The following HTR1E variants were observed in gnomAD, a reference collection of about 807,000 sequenced individuals.
The protein encoded by HTR1E is 5-HT-1E.
A neutral mutation model predicts 3.4 loss-of-function variants in HTR1E; 3 were observed. That is an observed-to-expected ratio of 0.89 (90% CI 0.41 to 2.31). The LOEUF is 2.31. Ranked by LOEUF, HTR1E falls within the 30% of genes most tolerant of loss-of-function variation. HTR1E has a pLI of 0.05. For missense variants in HTR1E, 392 were observed against 467.0 expected, an observed-to-expected ratio of 0.84 and a Z score of 1.48; for synonymous variants, 170 against 182.8, an observed-to-expected ratio of 0.93 and a Z score of 0.56.
chr6:86,995,665 C>CAAAAAAA (rs60134206), intron 1 of HTR1E, among the ~76,000 whole-genome samples: 36 of 36,658 alleles, frequency 9.8e-4, no homozygotes, highest in African/African-American at 1.4e-3. Flanking sequence ...GACTCCATCT[C>CAAAAAAA]AAAAAAAAAA....
intron 1 of HTR1E, among the ~76,000 whole-genome samples, chr6:86,979,515 G>A (rs1767682690): frequency 6.6e-6 from 1 of 152,150 alleles, no homozygotes; most frequent in Non-Finnish European, 1.5e-5. Context: ...CAGATATAAG[G>A]TGACTGCCTC....
chr6:86,985,477 A>C (rs1767772001), intron 1 of HTR1E, among the ~76,000 whole-genome samples: 1 of 152,156 alleles, frequency 6.6e-6, no homozygotes, highest in South Asian at 2.1e-4. Context: ...CCAGATATTT[A>C]ATTAAGTGTA....
chr6:86,971,807 C>T (rs962854885), intron 1 of HTR1E, among the ~76,000 whole-genome samples: 1 of 152,108 alleles, frequency 6.6e-6, no homozygotes, highest in African/African-American at 2.4e-5. Flanking sequence ...GCCCAAGTAG[C>T]GAACACAGGT....
At chr6:87,010,001 G>A (rs1350815864) in intron 1 of HTR1E, among the ~76,000 whole-genome samples, 2 of 131,688 alleles carry the variant, frequency 1.5e-5, no homozygotes, top group Non-Finnish European at 3.2e-5. Context: ...GTGGCTGGCC[G>A]GGCGGAGGGC....
At chr6:86,988,991 C>T (rs1417679743) in intron 1 of HTR1E, among the ~76,000 whole-genome samples, 2 of 152,062 alleles carry the variant, frequency 1.3e-5, no homozygotes, top group African/African-American at 4.8e-5. Context: ...AATAATAGTG[C>T]CATATAAGTG....
chr6:86,953,568 G>C (rs937114860), intron 1 of HTR1E, among the ~76,000 whole-genome samples: 3 of 152,120 alleles, frequency 2.0e-5, no homozygotes, highest in African/African-American at 7.2e-5. Context: ...ATCTTCACAG[G>C]GTTCCTAAAA....
At chr6:87,010,360 G>A (rs1582285422) in intron 1 of HTR1E, among the ~76,000 whole-genome samples, 2 of 118,486 alleles carry the variant, frequency 1.7e-5, no homozygotes, top group East Asian at 2.9e-4. Flanking sequence ...TGGCCGGGCG[G>A]GGGGCTGACC....
chr6:87,010,520 G>A (rs1365530063), intron 1 of HTR1E, among the ~76,000 whole-genome samples: 1 of 143,518 alleles, frequency 7.0e-6, no homozygotes, highest in African/African-American at 2.6e-5. Flanking sequence ...GGGCGGCGGG[G>A]CAGAGGCGCT....
At chr6:86,980,044 A>AG (rs1315153855) in intron 1 of HTR1E, among the ~76,000 whole-genome samples, 2 of 152,158 alleles carry the variant, frequency 1.3e-5, no homozygotes, top group Non-Finnish European at 2.9e-5. Context: ...ACAAGAGCTG[A>AG]GGGGGTGGAA....
At chr6:86,939,827 T>TCATG (rs1445915143) in intron 1 of HTR1E, among the ~76,000 whole-genome samples, 1 of 152,226 alleles carries the variant, frequency 6.6e-6, no homozygotes, top group Non-Finnish European at 1.5e-5. Flanking sequence ...AAACGATGGC[T>TCATG]CATGTCTCTC....
intron 1 of HTR1E, among the ~76,000 whole-genome samples, chr6:86,976,425 T>A (rs1236965168): frequency 2.0e-5 from 3 of 152,198 alleles, no homozygotes; most frequent in African/African-American, 7.2e-5. Flanking sequence ...ATCACTGACA[T>A]GTCTAAGCAA....
intron 1 of HTR1E, among the ~76,000 whole-genome samples, chr6:87,013,082 C>T (rs140624089): frequency 6.6e-6 from 1 of 152,338 alleles, no homozygotes; most frequent in Non-Finnish European, 1.5e-5. Flanking sequence ...CCAGCTGACT[C>T]CTCCTTCTTG....
intron 1 of HTR1E, among the ~76,000 whole-genome samples, chr6:87,010,741 G>C (rs368577008): frequency 0.041 from 6,170 of 149,854 alleles, 173 homozygotes; most frequent in East Asian, 0.14. Context: ...CTTCCCAGAC[G>C]GGGTGGCGGC....
intron 1 of HTR1E, among the ~76,000 whole-genome samples, chr6:86,976,043 T>C (rs1225973751): frequency 1.3e-5 from 2 of 152,036 alleles, no homozygotes; most frequent in Admixed American, 6.6e-5. Context: ...CTAAAAGTAC[T>C]AATATTTTTC....
intron 1 of HTR1E, among the ~76,000 whole-genome samples, chr6:86,950,367 A>G (rs1767218943): frequency 6.6e-6 from 1 of 152,192 alleles, no homozygotes; most frequent in South Asian, 2.1e-4. Flanking sequence ...AAGTTCTGAT[A>G]GAGATGAAGT....
At chr6:86,969,376 C>T (rs1247828680) in intron 1 of HTR1E, among the ~76,000 whole-genome samples, 1 of 147,848 alleles carries the variant, frequency 6.8e-6, no homozygotes, top group Admixed American at 6.8e-5. Context: ...GACACCTACT[C>T]CAACTGCCCT....
intron 1 of HTR1E, among the ~76,000 whole-genome samples, chr6:86,962,676 A>G (rs1767425746): frequency 1.3e-5 from 2 of 151,990 alleles, no homozygotes; most frequent in Non-Finnish European, 2.9e-5. Flanking sequence ...TGTCCCTACT[A>G]AAAATACAAA....
chr6:86,981,765 T>A (rs1225334251), intron 1 of HTR1E, among the ~76,000 whole-genome samples: 1 of 152,226 alleles, frequency 6.6e-6, no homozygotes, highest in Non-Finnish European at 1.5e-5. Context: ...TATCTCCAAT[T>A]TACTGGTCTC....
At chr6:86,995,698 AAAAAAAG>A (rs1292872791) in intron 1 of HTR1E, among the ~76,000 whole-genome samples, 5 of 132,320 alleles carry the variant, frequency 3.8e-5, no homozygotes, top group Non-Finnish European at 8.4e-5. Flanking sequence ...GAAAAAAAAA[AAAAAAAG>A]AAAACATGAC....
Sources: allele counts gnomAD v4.1 joint callset (sites outside exome capture counted in the v4.1 genomes callset), GRCh38; gene constraint gnomAD v4.1.1; transcripts MANE v1.5; gene names NCBI Gene and HGNC (gene_info 2026-07-23, HGNC 2026-07-21).